The following CDH18 variants were observed in gnomAD, a reference collection of about 807,000 sequenced individuals.
CDH18 encodes the protein cadherin 18, also known as cadherin-18.
In CDH18, 31 loss-of-function variants were observed where a neutral mutation model predicts 67.9. The observed-to-expected ratio is 0.46, with a 90% CI of 0.34 to 0.62. CDH18 has a LOEUF of 0.62. Ranked by LOEUF, CDH18 falls within the 20% of genes least tolerant of loss-of-function variation. The probability of loss-of-function intolerance (pLI) is 0.01; values close to 1 mark genes in which losing one functional copy is unlikely to be tolerated. For synonymous variants in CDH18, 362 were observed against 347.2 expected (o/e 1.04, Z -0.48); for missense variants, 890 against 975.5 (o/e 0.91, Z 1.17).
At chr5:19,524,050 G>A (rs748311953) in intron 9 of CDH18, among the ~76,000 whole-genome samples, 2 of 151,880 alleles carry the variant, frequency 1.3e-5, no homozygotes, top group African/African-American at 2.4e-5. Context: ...ATATTATACT[G>A]TAAAACTAAT....
rs201969149 is a variant in CDH18 at position 19,479,906 on chromosome 5, ATTAC to A, written c.1882+3391_1882+3394del. ...ATATAATAAAATTTACAAATGTTCTATTACTTACCCCAAATGAGAAAACATTTTC... is the reference window on the plus strand; with the variant it reads ...ATATAATAAAATTTACAAATGTTCTATTACCCCAAATGAGAAAACATTTTC... On this transcript the variant is annotated intron_variant, in intron 12 of 12. Transcript: ENST00000382275. Among the ~76,000 whole-genome samples, 629 of 152,332 alleles carry A rather than the reference ATTAC, an allele frequency of 4.1e-3. 2 individuals are homozygous for A. The highest frequency in any genetic ancestry group is 6.9e-3 in the Admixed American group (106 of 15,298).
chr5:19,771,862 T>C (rs1308747706), intron 3 of CDH18, among the ~76,000 whole-genome samples: 1 of 152,174 alleles, frequency 6.6e-6, no homozygotes, highest in South Asian at 2.1e-4. Context: ...TTAACTGCAA[T>C]ATATTCTTTA....
intron 4 of CDH18, among the ~76,000 whole-genome samples, chr5:19,742,997 T>C (rs1455589286): frequency 6.6e-6 from 1 of 152,218 alleles, no homozygotes; most frequent in Non-Finnish European, 1.5e-5. Context: ...ATTCCTTTCA[T>C]ACCAAATAAA....
At chr5:20,540,747 C>G (rs1757008116) in intron 1 of CDH18, among the ~76,000 whole-genome samples, 1 of 152,318 alleles carries the variant, frequency 6.6e-6, no homozygotes, top group South Asian at 2.1e-4. Flanking sequence ...CAGTAAGAAT[C>G]AACTCCAGGA....
At chr5:19,687,621 G>A (rs1214612211) in intron 5 of CDH18, among the ~76,000 whole-genome samples, 2 of 152,162 alleles carry the variant, frequency 1.3e-5, no homozygotes, top group Non-Finnish European at 2.9e-5. Context: ...TCCACCAGCA[G>A]TGGCAGGGCT....
chr5:19,656,291 G>A (rs1038736483), intron 5 of CDH18, among the ~76,000 whole-genome samples: 1 of 151,812 alleles, frequency 6.6e-6, no homozygotes, highest in Non-Finnish European at 1.5e-5. Flanking sequence ...AATAATTCGT[G>A]TTTTTTCTTT....
At chr5:20,075,331 C>A (rs894703627) in intron 2 of CDH18, among the ~76,000 whole-genome samples, 1 of 152,014 alleles carries the variant, frequency 6.6e-6, no homozygotes, top group Non-Finnish European at 1.5e-5. Flanking sequence ...GGTGAAACCC[C>A]GTCTCTACTA....
chr5:19,800,039 C>G (rs1274576549), intron 3 of CDH18, among the ~76,000 whole-genome samples: 1 of 152,116 alleles, frequency 6.6e-6, no homozygotes, highest in African/African-American at 2.4e-5. Flanking sequence ...GGTTTGCTCT[C>G]AACACAATAG....
intron 2 of CDH18, among the ~76,000 whole-genome samples, chr5:20,222,275 T>A (rs1416866794): frequency 6.6e-6 from 1 of 152,146 alleles, no homozygotes; most frequent in African/African-American, 2.4e-5. Flanking sequence ...TTATTTACGC[T>A]CCACAAAGGA....
intron 1 of CDH18, among the ~76,000 whole-genome samples, chr5:20,495,086 A>T (rs929527815): frequency 1.3e-5 from 2 of 152,136 alleles, no homozygotes; most frequent in African/African-American, 4.8e-5. Context: ...ATAACATTGT[A>T]CCTTTCTCAT....
At chr5:19,571,535 C>A in intron 8 of CDH18, 44 bp downstream of exon 8, 2 of 1,539,122 alleles carry the variant, frequency 1.3e-6, no homozygotes, top group South Asian at 1.2e-5. Flanking sequence ...ATGTGAGAGG[C>A]AATAAAAATC....
intron 1 of CDH18, among the ~76,000 whole-genome samples, chr5:20,564,296 T>TTTATTTA (rs1182595044): frequency 2.0e-4 from 5 of 24,812 alleles, no homozygotes; most frequent in Admixed American, 4.1e-4. Context: ...TTATTTATTT[T>TTTATTTA]AGATGGAGTT....
chr5:19,681,182 T>G (rs887683952), intron 5 of CDH18, among the ~76,000 whole-genome samples: 2 of 151,954 alleles, frequency 1.3e-5, no homozygotes, highest in Admixed American at 1.3e-4. Context: ...AATACTGCAT[T>G]TTCTCACTTA....
At chr5:19,482,065 GT>G (rs1199730501) in intron 12 of CDH18, among the ~76,000 whole-genome samples, 4 of 151,878 alleles carry the variant, frequency 2.6e-5, no homozygotes, top group African/African-American at 7.3e-5. Context: ...GAGAAAGTGT[GT>G]TTTTTAATAA....
chr5:19,882,667 T>C (rs1787777830), intron 2 of CDH18, among the ~76,000 whole-genome samples: 1 of 152,142 alleles, frequency 6.6e-6, no homozygotes, highest in Non-Finnish European at 1.5e-5. Context: ...GGCATCAATA[T>C]GTGCTAATTG....
At chr5:20,238,181 A>G (rs1214562821) in intron 2 of CDH18, among the ~76,000 whole-genome samples, 1 of 152,090 alleles carries the variant, frequency 6.6e-6, no homozygotes, top group Non-Finnish European at 1.5e-5. Flanking sequence ...ACAATAAAAC[A>G]TAAGATAAAA....
chr5:19,875,352 C>A (rs78980070), intron 2 of CDH18, among the ~76,000 whole-genome samples: 4,968 of 151,818 alleles, frequency 0.033, 250 homozygotes, highest in African/African-American at 0.1. Context: ...CTGGGGAATC[C>A]CAGGCTTTGT....
In CDH18 at chr5:19,472,859, G is replaced by A. The variant is rs980962792; in HGVS notation, c.*367C>T. ...CCACCCCTATAAGTCATAACCACCA[G>A]TGATCTTGAGCCTTTCTGTTTAGTT... On this transcript the variant is annotated 3_prime_UTR_variant, in exon 13 of 13. Transcript: ENST00000382275. The A allele has an allele frequency of 5.5e-6, 1 of 183,280 alleles. No homozygotes were observed. The highest frequency in any genetic ancestry group is 2.4e-5 in the African/African-American group (1 of 41,874). The allele number at this position is 183,280 out of a possible 1,614,324, so 11.4% of individuals were successfully genotyped here.
chr5:20,155,225 A>G (rs372781267), intron 2 of CDH18, among the ~76,000 whole-genome samples: 3 of 152,122 alleles, frequency 2.0e-5, no homozygotes, highest in East Asian at 3.9e-4. Flanking sequence ...GAAAAATGTT[A>G]TGTTTGCATA....
Sources: allele counts gnomAD v4.1 joint callset (sites outside exome capture counted in the v4.1 genomes callset), GRCh38; gene constraint gnomAD v4.1.1; transcripts MANE v1.5; gene names NCBI Gene and HGNC (gene_info 2026-07-23, HGNC 2026-07-21).